Variants in H3-7 observed in about 807,000 individuals in gnomAD.
The protein encoded by H3-7 is histone H3-7.
the H3-7 span, chr1:143,905,552 T>C: frequency 2.5e-6 from 4 of 1,569,970 alleles, no homozygotes; most frequent in South Asian, 1.1e-5. Context: ...CTTAAAAATA[T>C]ACCTTAGGCC....
At chr1:143,902,419 T>G in the H3-7 span, among the ~76,000 whole-genome samples, 1 of 146,696 alleles carries the variant, frequency 6.8e-6, no homozygotes, top group Non-Finnish European at 1.5e-5. Flanking sequence ...GGTGTAAATT[T>G]GAACTTCAAC....
the H3-7 span, chr1:143,905,930 C>T: frequency 3.0e-5 from 48 of 1,580,082 alleles, 8 homozygotes; most frequent in Non-Finnish European, 3.7e-5. Context: ...GCCTTGCCGC[C>T]GGTCGACTTG....
chr1:143,905,819 G>A, the H3-7 span: 76 of 1,582,318 alleles, frequency 4.8e-5, 10 homozygotes, highest in East Asian at 1.3e-3. Flanking sequence ...CGGATCTCCC[G>A]CAGAGCCACG....
At chr1:143,904,383 A>G in the H3-7 span, 1 of 1,582,658 alleles carries the variant, frequency 6.3e-7, no homozygotes, top group African/African-American at 1.3e-5. Context: ...CTCTCCCGCG[A>G]TGCGCTCGAA....
chr1:143,904,552 C>G, the H3-7 span: 1 of 1,605,946 alleles, frequency 6.2e-7, no homozygotes, highest in Non-Finnish European at 8.5e-7. Context: ...TTCGTAACAG[C>G]CTTTTTGGAG....
chr1:143,904,672 G>C, the H3-7 span: 1 of 1,507,998 alleles, frequency 6.6e-7, no homozygotes, highest in Non-Finnish European at 9.2e-7. Flanking sequence ...GGCTGGTTAT[G>C]CGCTACTTAT....
chr1:143,904,793 C>T, the H3-7 span: 34 of 601,156 alleles, frequency 5.7e-5, 2 homozygotes, highest in Non-Finnish European at 5.0e-5. Context: ...TCTAGTCTTG[C>T]TTCCTTAATG....
chr1:143,903,123 C>A, the H3-7 span, among the ~76,000 whole-genome samples: 5 of 137,700 alleles, frequency 3.6e-5, 1 homozygote, highest in South Asian at 1.3e-3. Context: ...ACCCGGGAGG[C>A]GGAGCTTGCA....
the H3-7 span, among the ~76,000 whole-genome samples, chr1:143,903,910 ACCCCCCG>A: frequency 4.8e-5 from 7 of 144,844 alleles, no homozygotes; most frequent in South Asian, 1.4e-3. Flanking sequence ...GTGTAGAACC[ACCCCCCG>A]CCTCCTTCCC....
the H3-7 span, among the ~76,000 whole-genome samples, chr1:143,904,034 T>G: frequency 6.9e-6 from 1 of 144,476 alleles, no homozygotes; most frequent in African/African-American, 2.5e-5. Context: ...GGCCAACTCA[T>G]TACAGGACTA....
chr1:143,904,391 G>T, the H3-7 span: 12 of 1,582,916 alleles, frequency 7.6e-6, 2 homozygotes, highest in East Asian at 1.8e-4. Context: ...CGATGCGCTC[G>T]AAGATGTCGT....
the H3-7 span, chr1:143,905,663 C>G: frequency 6.3e-7 from 1 of 1,582,984 alleles, no homozygotes; most frequent in East Asian, 2.3e-5. Flanking sequence ...AACAGCCCCA[C>G]CAGGTAGGCC....
At chr1:143,905,877 C>G in the H3-7 span, 51 of 1,580,252 alleles carry the variant, frequency 3.2e-5, 4 homozygotes, top group African/African-American at 5.5e-4. Flanking sequence ...CCGTGGCCGG[C>G]GCGCTCTTGC....
chr1:143,903,302 TA>T, the H3-7 span, among the ~76,000 whole-genome samples: 1 of 94,464 alleles, frequency 1.1e-5, no homozygotes, highest in Non-Finnish European at 2.1e-5. Context: ...GAAGGACCTG[TA>T]AACAGCCTAT....
the H3-7 span, chr1:143,904,103 CT>C: frequency 1.2e-6 from 1 of 804,722 alleles, no homozygotes; most frequent in Non-Finnish European, 2.0e-6. Context: ...CACTCCCTAC[CT>C]GACCAAAAGC....
the H3-7 span, chr1:143,904,335 A>G: frequency 8.2e-6 from 13 of 1,582,270 alleles, 2 homozygotes; most frequent in Non-Finnish European, 1.1e-5. Context: ...GCGGGACGTG[A>G]TGGTGGAGCG....
the H3-7 span, chr1:143,905,679 G>A: frequency 1.9e-6 from 3 of 1,582,982 alleles, no homozygotes; most frequent in Non-Finnish European, 2.6e-6. Context: ...AGGCCTCTCT[G>A]GCCTCCTGCA....
At chr1:143,904,547 A>G in the H3-7 span, 20 of 1,606,062 alleles carry the variant, frequency 1.2e-5, no homozygotes, top group South Asian at 2.1e-4. Context: ...GCACTTTCGT[A>G]ACAGCCTTTT....
chr1:143,903,910 AC>A, the H3-7 span, among the ~76,000 whole-genome samples: 5 of 144,844 alleles, frequency 3.5e-5, no homozygotes, highest in South Asian at 2.3e-4. Flanking sequence ...GTGTAGAACC[AC>A]CCCCCGCCTC....
Sources: gnomAD v4.1 joint callset for allele counts (sites outside exome capture counted in the v4.1 genomes callset) on GRCh38, gnomAD v4.1.1 for gene constraint, MANE v1.5 for transcripts, NCBI Gene and HGNC (gene_info 2026-07-23, HGNC 2026-07-21) for gene names.